The following ATRN variants were observed in gnomAD, a reference collection of about 807,000 sequenced individuals.
The protein encoded by ATRN is attractin.
A neutral mutation model predicts 178.7 loss-of-function variants in ATRN; 54 were observed. The ratio of observed to expected loss-of-function variants is 0.30; its 90% confidence interval spans 0.24 to 0.38. The LOEUF (loss-of-function observed/expected upper bound fraction) is 0.38, where lower values mean the gene tolerates loss of function less well. Ranked by LOEUF, ATRN falls within the 10% of genes least tolerant of loss-of-function variation. ATRN has a pLI of 1.00. For synonymous variants in ATRN, 636 were observed against 663.0 expected, an observed-to-expected ratio of 0.96 and a Z score of 0.63; for missense variants, 1,443 against 1,815.1, an observed-to-expected ratio of 0.79 and a Z score of 3.73.
intron 14 of ATRN, among the ~76,000 whole-genome samples, chr20:3,578,219 G>A (rs879882740): frequency 6.6e-6 from 1 of 152,106 alleles, no homozygotes; most frequent in Non-Finnish European, 1.5e-5. Flanking sequence ...TTTTACCCCA[G>A]CCCTCCAATA....
Position 3,630,916 on chromosome 20 carries a change from C to CTTTTTTTTTTTTTTTTTTTTTTTT in ATRN, c.3864-3370_3864-3347dup, listed in dbSNP as rs368394749. On this transcript the variant is annotated intron_variant, in intron 25 of 28. Coordinates refer to ENST00000262919, the MANE Select transcript of ATRN (RefSeq NM_139321.3). ...ACCATGTCTAAAAGAATTTATTTAG[C>CTTTTTTTTTTTTTTTTTTTTTTTT]TTTTTTTTTTTTTTTTTTTTTTTTT... Among the ~76,000 whole-genome samples, 2 of 43,426 alleles carry CTTTTTTTTTTTTTTTTTTTTTTTT rather than the reference C, an allele frequency of 4.6e-5. 1 individual carries two copies. The highest frequency in any genetic ancestry group is 8.5e-5 in the Non-Finnish European group (2 of 23,616). The allele number at this position is 43,426 out of a possible 152,430, so 28.5% of individuals were successfully genotyped here.
chr20:3,586,895 C>T (rs1005711245), intron 18 of ATRN, among the ~76,000 whole-genome samples: 1 of 151,578 alleles, frequency 6.6e-6, no homozygotes, highest in African/African-American at 2.4e-5. Flanking sequence ...CACATCCTTG[C>T]CAATACTTGT....
At chr20:3,504,406 G>A (rs2146114005) in intron 1 of ATRN, among the ~76,000 whole-genome samples, 1 of 151,590 alleles carries the variant, frequency 6.6e-6, no homozygotes, top group African/African-American at 2.4e-5. Context: ...GCCGGGTGCA[G>A]TGCCAACGCC....
Position 3,572,726 on chromosome 20 carries a change from C to T in ATRN, c.1872-5C>T, listed in dbSNP as rs1312997174. On this transcript the variant is annotated splice_region_variant and splice_polypyrimidine_tract_variant and intron_variant, in intron 11 of 28. Coordinates refer to ENST00000262919, the MANE Select transcript of ATRN (RefSeq NM_139321.3). The stretch of plus-strand genomic sequence containing the variant: ...TAAATTTCTTCTCTCCCTTTTTCCT[C>T]TTAGCACCATGTATGTGTTCGGTGG... The T allele has an allele frequency of 6.2e-7, 1 of 1,611,072 alleles. No individual in the cohort carries two copies. Among genetic ancestry groups the T allele is most frequent in the Admixed American group, 1.7e-5 (1 of 59,726 alleles).
chr20:3,590,899 G>A (rs1253913439), intron 18 of ATRN, among the ~76,000 whole-genome samples: 1 of 152,088 alleles, frequency 6.6e-6, no homozygotes, highest in Non-Finnish European at 1.5e-5. Flanking sequence ...ACTGTCATGA[G>A]CATACGTTAT....
intron 1 of ATRN, among the ~76,000 whole-genome samples, chr20:3,532,198 T>G (rs191989114): frequency 2.0e-5 from 3 of 152,174 alleles, no homozygotes; most frequent in Non-Finnish European, 1.5e-5. Flanking sequence ...AACCTAAGTG[T>G]TCACGTGAAG....
At position 3,638,872 on chromosome 20, in the gene ATRN, C is replaced by T. The variant is rs757929635; in HGVS notation, c.3987C>T (p.Ala1329=). The T allele has an allele frequency of 1.9e-6, 3 of 1,614,184 alleles. No individual in the cohort carries two copies. The highest frequency in any genetic ancestry group is 2.2e-5 in the South Asian group (2 of 91,086). The change falls in exon 27 of 29, where the codon GCC becomes GCT. Residue 1329 remains alanine, a synonymous_variant. Transcript: ENST00000262919. This position sits in a 1 kb window ranked among gnomAD's most constrained non-coding sequence, Gnocchi z 4.5. ...AACAGATGGCCAGCCGTCCCTTTGCCTCTGTAAATGTCGCCTTGGAAACAG... is the reference window on the plus strand; with the variant it reads ...AACAGATGGCCAGCCGTCCCTTTGCTTCTGTAAATGTCGCCTTGGAAACAG... ...EMQQMASRPF[A]SVNVALETDE...
intron 27 of ATRN, among the ~76,000 whole-genome samples, 169 bp from the exon 28 acceptor site, chr20:3,643,985 G>A (rs1242618550): frequency 1.3e-5 from 2 of 152,230 alleles, no homozygotes; most frequent in African/African-American, 4.8e-5. Context: ...CTGGTGCTCA[G>A]AGAGTACTGT....
chr20:3,489,992 A>G (rs1374262234), intron 1 of ATRN: 3 of 992,284 alleles, frequency 3.0e-6, no homozygotes, highest in African/African-American at 1.6e-5. Flanking sequence ...TGCACTGTGC[A>G]TTTTCATGAG....
intron 1 of ATRN, among the ~76,000 whole-genome samples, chr20:3,473,140 A>G (rs2084456364): frequency 6.6e-6 from 1 of 152,244 alleles, no homozygotes; most frequent in Non-Finnish European, 1.5e-5. Context: ...TGTGAGATAC[A>G]GTGGTATACA....
chr20:3,641,257 TG>T lies in ATRN; in HGVS notation c.4050+2324del, dbSNP rs1037124588. Among the ~76,000 whole-genome samples, 25 of 152,126 alleles carry T rather than the reference TG, an allele frequency of 1.6e-4. 1 individual carries two copies. The highest frequency in any genetic ancestry group is 6.0e-4 in the African/African-American group (25 of 41,416). On this transcript the variant is annotated intron_variant, in intron 27 of 28. Coordinates refer to ENST00000262919, the MANE Select transcript of ATRN (RefSeq NM_139321.3). ...ACTGTACATTTTTAAATGGTCAAGATGGTAAATGTTATGTGTATTTTATCAC... is the reference window on the plus strand; with the variant it reads ...ACTGTACATTTTTAAATGGTCAAGATGTAAATGTTATGTGTATTTTATCAC...
At chr20:3,596,882 T>G (rs1440430319) in intron 21 of ATRN, among the ~76,000 whole-genome samples, 1 of 152,042 alleles carries the variant, frequency 6.6e-6, no homozygotes, top group Non-Finnish European at 1.5e-5. Context: ...GTGACCATGT[T>G]TTTATGGGTA....
chr20:3,574,915 C>T (rs653196), intron 12 of ATRN, among the ~76,000 whole-genome samples: 1 of 151,772 alleles, frequency 6.6e-6, no homozygotes, highest in African/African-American at 2.4e-5. Flanking sequence ...TGTGCCATGT[C>T]CACGAGATGG....
Position 3,584,069 on chromosome 20 carries a change from T to C in ATRN, c.2936T>C (p.Met979Thr). Residue 979 changes from methionine to threonine, a missense_variant, in exon 17 of 29, where the codon ATG becomes ACG. By Grantham distance (81) the Met-to-Thr change is moderately conservative (BLOSUM62 -1). Transcript: ENST00000262919. The stretch of plus-strand genomic sequence containing the variant: ...GGCCAGTGTATGGAATGGTATACGA[T>C]GAGCACCTGCCCCCGTAAGTGAAAA... ...PFGQCMEWYT[M>T]STCPPENCSG... 6.2e-7 allele frequency: 1 copy of C among 1,613,956 alleles called. No individual in the cohort carries two copies.
At chr20:3,471,606 C>G in intron 1 of ATRN, 89 bp downstream of exon 1, 1 of 1,343,046 alleles carries the variant, frequency 7.4e-7, no homozygotes, top group Non-Finnish European at 9.5e-7. Context: ...GAGGGAGATG[C>G]TGGACAGAAA....
intron 1 of ATRN, among the ~76,000 whole-genome samples, chr20:3,501,378 G>T (rs958449406): frequency 2.0e-5 from 3 of 152,148 alleles, no homozygotes; most frequent in Non-Finnish European, 4.4e-5. Context: ...CACTTCTAAT[G>T]CCAGACTCTG....
At chr20:3,587,870 G>A (rs1426603711) in intron 18 of ATRN, among the ~76,000 whole-genome samples, 3 of 151,748 alleles carry the variant, frequency 2.0e-5, no homozygotes, top group Non-Finnish European at 4.4e-5. Flanking sequence ...TGTTGAGAGA[G>A]GGTCTCACTC....
intron 1 of ATRN, among the ~76,000 whole-genome samples, chr20:3,519,862 C>A (rs1334518671): frequency 1.3e-5 from 2 of 152,166 alleles, no homozygotes; most frequent in Non-Finnish European, 2.9e-5. Context: ...GCATCTAGAG[C>A]TACTGAGAGA....
At chr20:3,525,062 A>C (rs2085346301) in intron 1 of ATRN, among the ~76,000 whole-genome samples, 1 of 152,232 alleles carries the variant, frequency 6.6e-6, no homozygotes, top group Admixed American at 6.5e-5. Context: ...TCAGAGCAGA[A>C]CTAAAGGAGA....
Sources: allele counts gnomAD v4.1 joint callset (sites outside exome capture counted in the v4.1 genomes callset), GRCh38; gene constraint gnomAD v4.1.1; non-coding constraint Gnocchi (gnomAD v3.1); transcripts MANE v1.5; gene names NCBI Gene and HGNC (gene_info 2026-07-23, HGNC 2026-07-21).